The following PLD5 variants were observed in gnomAD, a reference collection of about 807,000 sequenced individuals.
PLD5 encodes the protein inactive phospholipase D5.
Under a neutral mutation model 61.1 loss-of-function variants are expected in PLD5, and 36 were observed. The ratio of observed to expected loss-of-function variants is 0.59; its 90% confidence interval spans 0.45 to 0.78. PLD5 has a LOEUF of 0.78. PLD5 is among the 30% of genes least tolerant of loss of function. The probability of loss-of-function intolerance (pLI) is 0.00; values close to 1 mark genes in which losing one functional copy is unlikely to be tolerated. For synonymous variants in PLD5, 243 were observed against 242.8 expected (o/e 1.00, Z -0.01); for missense variants, 515 against 644.4 (o/e 0.80, Z 2.17).
chr1:242,315,391 G>A (rs1008430479), intron 2 of PLD5, among the ~76,000 whole-genome samples: 1 of 152,136 alleles, frequency 6.6e-6, no homozygotes, highest in African/African-American at 2.4e-5. Context: ...GATATATTTA[G>A]TGTGTCAACA....
In PLD5 at chr1:242,308,782, C is replaced by T. The variant is rs576726624; in HGVS notation, c.327-20252G>A. ...TTTTTAACAGTCTTTAATCTTTATC[C>T]TAAAGGGAAACAGTAATAGCCTAAT... On this transcript the variant is annotated intron_variant, in intron 2 of 9. Transcript: ENST00000536534. 7.2e-5 allele frequency among the ~76,000 whole-genome samples: 11 copies of T among 152,200 alleles called. No individual in the cohort carries two copies. The South Asian group carries it at 2.1e-3, about 29-fold the overall frequency.
chr1:242,228,836 AC>A (rs1450526781), intron 4 of PLD5, among the ~76,000 whole-genome samples: 2 of 152,192 alleles, frequency 1.3e-5, no homozygotes, highest in African/African-American at 4.8e-5. Flanking sequence ...GGGGGAGTCC[AC>A]CACTGTCCCA....
At chr1:242,145,297 C>T (rs1335019423) in intron 5 of PLD5, among the ~76,000 whole-genome samples, 1 of 152,174 alleles carries the variant, frequency 6.6e-6, no homozygotes, top group East Asian at 1.9e-4. Context: ...CAAGAGTAGA[C>T]AGTTTCCTCA....
intron 2 of PLD5, among the ~76,000 whole-genome samples, chr1:242,319,692 G>A (rs534117558): frequency 6.6e-6 from 1 of 152,174 alleles, no homozygotes; most frequent in Non-Finnish European, 1.5e-5. Flanking sequence ...CTCAGGTATG[G>A]GACAAAGGAC....
At chr1:242,314,320 G>A (rs769715525) in intron 2 of PLD5, among the ~76,000 whole-genome samples, 1 of 152,192 alleles carries the variant, frequency 6.6e-6, no homozygotes, top group Non-Finnish European at 1.5e-5. Context: ...GAATGCACAA[G>A]TAGGTCTGGC....
At chr1:242,401,935 T>C (rs1349729056) in intron 1 of PLD5, among the ~76,000 whole-genome samples, 1 of 152,216 alleles carries the variant, frequency 6.6e-6, no homozygotes, top group African/African-American at 2.4e-5. Flanking sequence ...TAAACATTTG[T>C]TGAATGAATG....
chr1:242,284,470 T>G (rs1674907809), intron 3 of PLD5, among the ~76,000 whole-genome samples: 1 of 152,120 alleles, frequency 6.6e-6, no homozygotes, highest in African/African-American at 2.4e-5. Flanking sequence ...AATGCGGTCT[T>G]CAGATAAGTT....
chr1:242,351,034 G>A (rs892291996), intron 1 of PLD5, among the ~76,000 whole-genome samples: 3 of 151,794 alleles, frequency 2.0e-5, no homozygotes, highest in African/African-American at 7.3e-5. Context: ...CTGAGTAGCT[G>A]AGATTACAGG....
intron 4 of PLD5, among the ~76,000 whole-genome samples, chr1:242,241,718 T>C (rs958521920): frequency 1.3e-5 from 2 of 151,644 alleles, no homozygotes; most frequent in African/African-American, 4.8e-5. Context: ...GGCTTCTCCA[T>C]CTGCACTGTG....
At chr1:242,226,170 T>C (rs1670928681) in intron 4 of PLD5, among the ~76,000 whole-genome samples, 1 of 152,236 alleles carries the variant, frequency 6.6e-6, no homozygotes, top group Non-Finnish European at 1.5e-5. Flanking sequence ...TAAGTATGAT[T>C]AACCATTTTT....
chr1:242,459,726 G>A lies in PLD5; in HGVS notation c.189+64362C>T, dbSNP rs143511171. On this transcript the variant is annotated intron_variant, in intron 1 of 9. Transcript: ENST00000536534. ...CGCGTGATGTGCTTCCCCCTACAGA[G>A]AGCCTATGAGTGGAAGTGCAGTCAG... is the stretch of plus-strand genomic sequence containing the variant. Among the ~76,000 whole-genome samples the A allele has an allele frequency of 5.6e-3, 855 of 152,286 alleles. 6 individuals are homozygous for A. Among genetic ancestry groups the A allele is most frequent in the African/African-American group, 0.016 (680 of 41,566 alleles).
At chr1:242,156,096 A>G (rs1665343822) in intron 5 of PLD5, among the ~76,000 whole-genome samples, 1 of 152,122 alleles carries the variant, frequency 6.6e-6, no homozygotes. Context: ...TCCCTTTACC[A>G]TTATGTAATG....
rs1204953119 is a variant in PLD5 at position 242,256,791 on chromosome 1, T to C, written c.607+8546A>G. Among the ~76,000 whole-genome samples, 1 of 145,882 alleles carries C rather than the reference T, an allele frequency of 6.9e-6. No individual in the cohort carries two copies. The highest frequency in any genetic ancestry group is 2.6e-5 in the African/African-American group (1 of 38,860). On this transcript the variant is annotated intron_variant, in intron 4 of 9. Transcript: ENST00000536534. The surrounding 1 kb of genome is among the most constrained non-coding windows in gnomAD (Gnocchi z 5.7). The stretch of plus-strand genomic sequence containing the variant: ...CTATCTATCTATCTATCTATCTATC[T>C]ATCTATTAATATCTATCTTTCTATG...
chr1:242,371,256 G>A (rs1214458763), intron 1 of PLD5, among the ~76,000 whole-genome samples: 3 of 152,114 alleles, frequency 2.0e-5, no homozygotes, highest in Non-Finnish European at 4.4e-5. Flanking sequence ...GAGGCTTAGA[G>A]TTAGGGTGAG....
At chr1:242,194,616 ATGT>A (rs1249581912) in intron 5 of PLD5, among the ~76,000 whole-genome samples, 2 of 65,606 alleles carry the variant, frequency 3.0e-5, no homozygotes, top group African/African-American at 1.1e-4. Context: ...GTATCTATCT[ATGT>A]ATCTATCTAT....
chr1:242,328,081 A>G (rs1275506792), intron 2 of PLD5, among the ~76,000 whole-genome samples: 2 of 152,196 alleles, frequency 1.3e-5, no homozygotes, highest in Non-Finnish European at 2.9e-5. Context: ...TGCTAAAAAC[A>G]AAACAAAACA....
intron 5 of PLD5, among the ~76,000 whole-genome samples, chr1:242,200,906 T>G (rs934180736): frequency 3.9e-5 from 6 of 152,226 alleles, no homozygotes; most frequent in African/African-American, 1.4e-4. Flanking sequence ...TTGGTTATCT[T>G]AATCTTGCTT....
At chr1:242,496,197 A>T (rs1168086361) in intron 1 of PLD5, among the ~76,000 whole-genome samples, 1 of 152,204 alleles carries the variant, frequency 6.6e-6, no homozygotes, top group African/African-American at 2.4e-5. Flanking sequence ...CAGAGAACTA[A>T]AATAAGCTTA....
At chr1:242,458,526 T>G (rs1350139598) in intron 1 of PLD5, among the ~76,000 whole-genome samples, 1 of 152,250 alleles carries the variant, frequency 6.6e-6, no homozygotes, top group Admixed American at 6.5e-5. Flanking sequence ...CATTCAGAAT[T>G]ATGGAGATTA....
Sources: allele counts gnomAD v4.1 joint callset (sites outside exome capture counted in the v4.1 genomes callset), GRCh38; gene constraint gnomAD v4.1.1; non-coding constraint Gnocchi (gnomAD v3.1); transcripts MANE v1.5; gene names NCBI Gene and HGNC (gene_info 2026-07-23, HGNC 2026-07-21).